SOX5: variants seen among roughly 807,000 people sequenced by gnomAD.
SOX5 encodes SRY-box transcription factor 5.
SOX5 carries 9 observed loss-of-function variants against 92.0 expected under a neutral mutation model. The ratio of observed to expected loss-of-function variants is 0.10; its 90% confidence interval spans 0.06 to 0.17. The LOEUF is 0.17. Among genes scored for constraint, SOX5 ranks in the 10% least tolerant of loss-of-function variants. The pLI, the probability that SOX5 is intolerant of heterozygous loss-of-function variation, is 1.00. For synonymous variants in SOX5, 344 were observed against 336.3 expected (o/e 1.02, Z -0.25); for missense variants, 642 against 944.5 (o/e 0.68, Z 4.20).
chr12:23,741,510 G>A (rs1399948247), intron 4 of SOX5, among the ~76,000 whole-genome samples: 2 of 151,856 alleles, frequency 1.3e-5, no homozygotes, highest in African/African-American at 4.8e-5. Flanking sequence ...GCAAGACAAA[G>A]ACACAAAAAA....
At chr12:23,812,692 A>C in intron 3 of SOX5, among the ~76,000 whole-genome samples, 1 of 152,130 alleles carries the variant, frequency 6.6e-6, no homozygotes, top group Admixed American at 6.6e-5. Context: ...TGTCAGAGGG[A>C]ATACTGACTT....
At chr12:24,058,902 A>G (rs1592757218) in intron 4 of SOX5, among the ~76,000 whole-genome samples, 2 of 152,216 alleles carry the variant, frequency 1.3e-5, no homozygotes, top group East Asian at 3.8e-4. Context: ...GGACCAAATA[A>G]GGTGAAAACT....
chr12:24,107,287 T>C (rs563909497), intron 4 of SOX5, among the ~76,000 whole-genome samples: 46 of 152,304 alleles, frequency 3.0e-4, no homozygotes, highest in African/African-American at 9.9e-4. Flanking sequence ...CATGTATTAG[T>C]TAATAAATAC....
intron 4 of SOX5, among the ~76,000 whole-genome samples, chr12:24,003,675 A>G (rs543278486): frequency 6.6e-6 from 1 of 152,082 alleles, no homozygotes; most frequent in Non-Finnish European, 1.5e-5. Context: ...ATGATATTCC[A>G]TGTTCATAGA....
intron 2 of SOX5, among the ~76,000 whole-genome samples, chr12:24,318,842 A>G (rs991892484): frequency 1.3e-5 from 2 of 152,196 alleles, no homozygotes; most frequent in African/African-American, 4.8e-5. Flanking sequence ...CTTCAGTGAG[A>G]GTAGTATCAT....
intron 9 of SOX5, among the ~76,000 whole-genome samples, chr12:23,586,068 G>T (rs1372843249): frequency 6.6e-6 from 1 of 151,916 alleles, no homozygotes; most frequent in Non-Finnish European, 1.5e-5. Flanking sequence ...CCCTTCCTCT[G>T]CATGAGGAAG....
chr12:24,200,861 A>G (rs1957449265), intron 4 of SOX5, among the ~76,000 whole-genome samples: 1 of 152,244 alleles, frequency 6.6e-6, no homozygotes, highest in Admixed American at 6.5e-5. Flanking sequence ...AACAATCCAC[A>G]GAATTTTATT....
At chr12:24,250,471 G>A (rs1322644126) in intron 3 of SOX5, among the ~76,000 whole-genome samples, 2 of 152,180 alleles carry the variant, frequency 1.3e-5, no homozygotes, top group Non-Finnish European at 2.9e-5. Context: ...ACCAGCAGGA[G>A]GAGAAAATGA....
intron 1 of SOX5, among the ~76,000 whole-genome samples, chr12:24,530,306 T>C (rs960153802): frequency 5.3e-5 from 8 of 152,342 alleles, no homozygotes; most frequent in Middle Eastern, 3.4e-3. Context: ...TTCAGTGACC[T>C]GAGCATAGTG....
At chr12:23,575,863 C>T in intron 9 of SOX5, 25 bp from the exon 10 acceptor site, 2 of 1,507,632 alleles carry the variant, frequency 1.3e-6, no homozygotes, top group Non-Finnish European at 1.8e-6. Context: ...AGAACATGAG[C>T]TGTGATAAGG....
chr12:23,952,481 T>C (rs1007804794), upstream of SOX5, among the ~76,000 whole-genome samples: 10 of 152,230 alleles, frequency 6.6e-5, no homozygotes, highest in Admixed American at 5.9e-4. Flanking sequence ...TTTGATTTTA[T>C]TGGCACTTAA....
chr12:24,177,826 A>C (rs1466996222), intron 4 of SOX5, among the ~76,000 whole-genome samples: 1 of 151,988 alleles, frequency 6.6e-6, no homozygotes, highest in Non-Finnish European at 1.5e-5. Flanking sequence ...GGCTCTTGTC[A>C]AACCAGTCAT....
At chr12:24,516,600 A>G (rs1219423968) in intron 1 of SOX5, among the ~76,000 whole-genome samples, 1 of 152,136 alleles carries the variant, frequency 6.6e-6, no homozygotes, top group African/African-American at 2.4e-5. Flanking sequence ...TACCCCTTGA[A>G]ATTCTGAGCT....
rs74805220 is a variant in SOX5 at position 24,209,139 on chromosome 12, G to A, written c.-2+4204C>T. Among the ~76,000 whole-genome samples the A allele has an allele frequency of 8.0e-3, 1,215 of 152,298 alleles. 24 individuals carry two copies. Among genetic ancestry groups the A allele is most frequent in the African/African-American group, 0.028 (1,168 of 41,550 alleles). Reference sequence around the variant, plus strand: ...ATTTAAATATTTTGCTTCTAGTAATGCAGAAGAAGTTGAAGGTACTGGAGA... The same window carrying A: ...ATTTAAATATTTTGCTTCTAGTAATACAGAAGAAGTTGAAGGTACTGGAGA... On this transcript the variant is annotated intron_variant, in intron 4 of 4. Transcript: ENST00000446891.
At chr12:24,350,303 TTTTG>T (rs1240950386) in intron 2 of SOX5, among the ~76,000 whole-genome samples, 3 of 152,136 alleles carry the variant, frequency 2.0e-5, no homozygotes, top group African/African-American at 4.8e-5. Context: ...TTTGGTCATT[TTTTG>T]TTTGTTTGTT....
At chr12:24,057,954 A>C (rs951534691) in intron 4 of SOX5, among the ~76,000 whole-genome samples, 2 of 152,254 alleles carry the variant, frequency 1.3e-5, no homozygotes, top group African/African-American at 4.8e-5. Context: ...AATACACAAA[A>C]TAATCCTTGT....
At chr12:24,251,063 A>C (rs2686331) in intron 3 of SOX5, among the ~76,000 whole-genome samples, 73,221 of 152,132 alleles carry the variant, frequency 0.48, 20,671 homozygotes, top group East Asian at 0.87. Flanking sequence ...CAAATATGTT[A>C]TTCTACATGG....
At chr12:24,343,733 A>G (rs1952854681) in intron 2 of SOX5, among the ~76,000 whole-genome samples, 1 of 152,164 alleles carries the variant, frequency 6.6e-6, no homozygotes, top group South Asian at 2.1e-4. Flanking sequence ...TGCCAAAAAA[A>G]TAAGCTGCTC....
intron 1 of SOX5, among the ~76,000 whole-genome samples, chr12:24,493,835 G>C (rs1947335220): frequency 6.6e-6 from 1 of 150,690 alleles, no homozygotes. Context: ...CTGCACTCCA[G>C]CCTGGGTGAC....
Sources: gnomAD v4.1 joint callset for allele counts (sites outside exome capture counted in the v4.1 genomes callset) on GRCh38, gnomAD v4.1.1 for gene constraint, MANE v1.5 for transcripts, NCBI Gene and HGNC (gene_info 2026-07-23, HGNC 2026-07-21) for gene names.